Variants in SPANXN2 observed in about 807,000 individuals in gnomAD.
SPANXN2 encodes sperm protein associated with the nucleus on the X chromosome N2.
A neutral mutation model predicts 2.0 loss-of-function variants in SPANXN2; 1 was observed. The observed-to-expected ratio is 0.50, with a 90% CI of 0.18 to 2.36. SPANXN2 has a LOEUF of 2.36. Ranked by LOEUF, SPANXN2 falls within the 30% of genes most tolerant of loss-of-function variation. The pLI, the probability that SPANXN2 is intolerant of heterozygous loss-of-function variation, is 0.26. For synonymous variants in SPANXN2, 43 were observed against 49.8 expected, an observed-to-expected ratio of 0.86 and a Z score of 0.58; for missense variants, 88 against 116.7, an observed-to-expected ratio of 0.75 and a Z score of 1.13.
chrX:143,718,283 A>C (rs1309572889), intron 1 of SPANXN2, among the ~76,000 whole-genome samples: 2 of 111,050 alleles, frequency 1.8e-5, no homozygotes, highest in African/African-American at 6.6e-5. Context: ...TTTTCCCCCC[A>C]TTCTATATGG....
At chrX:143,716,197 T>C (rs1363129881) in intron 1 of SPANXN2, among the ~76,000 whole-genome samples, 1 of 111,036 alleles carries the variant, frequency 9.0e-6, no homozygotes, top group East Asian at 2.8e-4. Context: ...ACTCAGGTTT[T>C]AAACTTCCTT....
intron 1 of SPANXN2, among the ~76,000 whole-genome samples, chrX:143,714,231 C>T: frequency 9.0e-6 from 1 of 111,168 alleles, no homozygotes; most frequent in Non-Finnish European, 1.9e-5. Context: ...CAGGAGGTTG[C>T]GAGGGCTAAA....
chrX:143,718,027 A>G (rs1301654647), intron 1 of SPANXN2, among the ~76,000 whole-genome samples: 1 of 111,642 alleles, frequency 9.0e-6, no homozygotes, highest in East Asian at 2.8e-4. Flanking sequence ...TTTCAGTTTA[A>G]CCAACAGCTG....
In SPANXN2 at chrX:143,712,294, G is replaced by T; in HGVS notation, c.284C>A (p.Ser95Tyr). ...GTCCAGGTCTTCGTCCTCCTGTGAA[G>T]ATCCTTCAGCTGAGTCTAGGCCTTC... Residue 95 changes from serine (S) to tyrosine (Y), a missense_variant, in exon 2 of 2, where the codon TCT becomes TAT. Physicochemically the swap from Ser to Tyr is moderately radical, Grantham distance 144. Transcript: ENST00000598475. 2.5e-6 allele frequency: 3 copies of T among 1,212,153 alleles called. No homozygotes were observed. The East Asian group carries it at 8.9e-5, about 36-fold the overall frequency.
intron 1 of SPANXN2, among the ~76,000 whole-genome samples, chrX:143,717,790 A>G (rs782721939): frequency 1.8e-5 from 2 of 111,652 alleles, no homozygotes; most frequent in Admixed American, 9.5e-5. Flanking sequence ...CACACACCAG[A>G]CCTGAGGACA....
At chrX:143,713,311 T>C (rs1175432019) in intron 1 of SPANXN2, among the ~76,000 whole-genome samples, 1 of 111,438 alleles carries the variant, frequency 9.0e-6, no homozygotes, top group Admixed American at 9.5e-5. Context: ...TGGGCTAACC[T>C]CCAGATAGTG....
chrX:143,713,902 T>A (rs1389379392), intron 1 of SPANXN2, among the ~76,000 whole-genome samples: 6 of 49,311 alleles, frequency 1.2e-4, no homozygotes, highest in African/African-American at 3.5e-4. Flanking sequence ...ACTCTCTCTC[T>A]CTCTCTCTCT....
intron 1 of SPANXN2, among the ~76,000 whole-genome samples, chrX:143,718,352 A>C (rs1345766417): frequency 9.0e-6 from 1 of 111,258 alleles, no homozygotes; most frequent in Non-Finnish European, 1.9e-5. Context: ...GCAAATGCTT[A>C]CTTGACCCAG....
intron 1 of SPANXN2, among the ~76,000 whole-genome samples, chrX:143,717,887 T>G (rs2124011162): frequency 9.0e-6 from 1 of 111,507 alleles, no homozygotes; most frequent in Admixed American, 9.5e-5. Flanking sequence ...GTAGATACAT[T>G]CTCTGGATGA....
At chrX:143,719,624 C>T (rs1462112532) in intron 1 of SPANXN2, among the ~76,000 whole-genome samples, 5 of 112,292 alleles carry the variant, frequency 4.5e-5, no homozygotes, top group African/African-American at 1.6e-4. Context: ...ACTCTTATCT[C>T]TGCCTACTGG....
At chrX:143,716,368 C>T (rs782763993) in intron 1 of SPANXN2, among the ~76,000 whole-genome samples, 1 of 110,810 alleles carries the variant, frequency 9.0e-6, no homozygotes, top group Non-Finnish European at 1.9e-5. Context: ...AAAAGGACCT[C>T]CCCTCCTTCT....
At chrX:143,713,054 C>A (rs1215364212) in intron 1 of SPANXN2, among the ~76,000 whole-genome samples, 1 of 111,753 alleles carries the variant, frequency 8.9e-6, no homozygotes, top group Admixed American at 9.4e-5. Context: ...CCATAGGTGT[C>A]TGCCATATTC....
chrX:143,715,296 T>C (rs1932239523), intron 1 of SPANXN2, among the ~76,000 whole-genome samples: 1 of 42,797 alleles, frequency 2.3e-5, no homozygotes, highest in Admixed American at 3.5e-4. Flanking sequence ...TGAGAATCAA[T>C]AAAATCCCCT....
At chrX:143,712,770 G>A (rs1932190071) in intron 1 of SPANXN2, among the ~76,000 whole-genome samples, 1 of 111,607 alleles carries the variant, frequency 9.0e-6, no homozygotes, top group African/African-American at 3.3e-5. Context: ...TGGGGGCTCA[G>A]GCCGTGAGAA....
At chrX:143,719,914 C>T (rs151291626) in intron 1 of SPANXN2, among the ~76,000 whole-genome samples, 12 of 109,725 alleles carry the variant, frequency 1.1e-4, no homozygotes, top group Non-Finnish European at 1.7e-4. Flanking sequence ...CTTTATCTCC[C>T]GAAGGCTAAA....
intron 1 of SPANXN2, among the ~76,000 whole-genome samples, chrX:143,717,153 G>C (rs1932281893): frequency 8.9e-6 from 1 of 112,094 alleles, no homozygotes; most frequent in Non-Finnish European, 1.9e-5. Context: ...CTCTCAACAG[G>C]CAAAGCTAGT....
intron 1 of SPANXN2, among the ~76,000 whole-genome samples, chrX:143,717,357 A>C (rs1182609705): frequency 2.7e-5 from 3 of 112,099 alleles, no homozygotes; most frequent in Non-Finnish European, 5.6e-5. Flanking sequence ...ACCACCACCA[A>C]AGGCCACCAT....
At chrX:143,716,127 C>T (rs12847342) in intron 1 of SPANXN2, among the ~76,000 whole-genome samples, 1 of 110,538 alleles carries the variant, frequency 9.0e-6, no homozygotes, top group Non-Finnish European at 1.9e-5. Flanking sequence ...TACCCTCCTC[C>T]AGTATGTCAA....
At chrX:143,715,731 C>T (rs1556449580) in intron 1 of SPANXN2, among the ~76,000 whole-genome samples, 1 of 106,513 alleles carries the variant, frequency 9.4e-6, no homozygotes, top group African/African-American at 3.4e-5. Flanking sequence ...GTTAACTCTC[C>T]CCACAACACC....
Sources: allele counts gnomAD v4.1 joint callset (sites outside exome capture counted in the v4.1 genomes callset), GRCh38; gene constraint gnomAD v4.1.1; transcripts MANE v1.5; gene names NCBI Gene and HGNC (gene_info 2026-07-23, HGNC 2026-07-21).